The following NCALD variants were observed in gnomAD, a reference collection of about 807,000 sequenced individuals.
NCALD encodes the protein neurocalcin-delta.
In NCALD, 10 loss-of-function variants were observed where a neutral mutation model predicts 18.6. The observed-to-expected ratio is 0.54, with a 90% CI of 0.33 to 0.91. The LOEUF (loss-of-function observed/expected upper bound fraction) is 0.91, where lower values mean the gene tolerates loss of function less well. NCALD is among the 40% of genes least tolerant of loss of function. The probability of loss-of-function intolerance (pLI) is 0.03; values close to 1 mark genes in which losing one functional copy is unlikely to be tolerated. For missense variants in NCALD, 184 were observed against 247.6 expected, an observed-to-expected ratio of 0.74 and a Z score of 1.72; for synonymous variants, 88 against 87.4, an observed-to-expected ratio of 1.01 and a Z score of -0.04.
intron 4 of NCALD, among the ~76,000 whole-genome samples, chr8:101,814,113 T>C (rs1020175933): frequency 4.1e-4 from 62 of 152,174 alleles, no homozygotes; most frequent in African/African-American, 1.4e-3. Context: ...TTCTCAATGA[T>C]CTCATTCAGA....
chr8:101,693,233 C>A, intron 2 of NCALD: 1 of 198,946 alleles, frequency 5.0e-6, no homozygotes, highest in Non-Finnish European at 1.0e-5. Flanking sequence ...TCACTGCAGG[C>A]TCCATTTCAT....
chr8:101,774,680 G>A (rs957475089), intron 1 of NCALD, among the ~76,000 whole-genome samples: 3 of 152,124 alleles, frequency 2.0e-5, no homozygotes, highest in African/African-American at 7.2e-5. Context: ...TCATGGCGGA[G>A]GCAATAGGCG....
chr8:102,085,004 G>A (rs1372431358), intron 1 of NCALD, among the ~76,000 whole-genome samples: 1 of 152,180 alleles, frequency 6.6e-6, no homozygotes, highest in African/African-American at 2.4e-5. Context: ...GAAATCTGCA[G>A]GTGTCCGTAT....
intron 4 of NCALD, among the ~76,000 whole-genome samples, chr8:101,822,067 G>A (rs1183749625): frequency 1.2e-4 from 19 of 152,034 alleles, no homozygotes; most frequent in Non-Finnish European, 2.6e-4. Context: ...GTTGTTGTAA[G>A]TATTAAATGA....
At chr8:101,979,645 G>A (rs982145122) in intron 2 of NCALD, among the ~76,000 whole-genome samples, 1 of 152,136 alleles carries the variant, frequency 6.6e-6, no homozygotes, top group Non-Finnish European at 1.5e-5. Flanking sequence ...AAAGCCAAAA[G>A]CTACAATCTC....
intron 3 of NCALD, chr8:101,690,353 A>C (rs1275652648): frequency 1.0e-6 from 1 of 983,200 alleles, no homozygotes; most frequent in East Asian, 1.1e-4. Context: ...ATCTCCGCCC[A>C]GCTTTGCCCT....
intron 1 of NCALD, among the ~76,000 whole-genome samples, chr8:102,118,185 T>G (rs1825846019): frequency 6.6e-6 from 1 of 152,190 alleles, no homozygotes; most frequent in Non-Finnish European, 1.5e-5. Context: ...GGCTGGGGCC[T>G]TTATCCACCT....
At chr8:102,016,015 C>A (rs1334230378) in intron 2 of NCALD, among the ~76,000 whole-genome samples, 2 of 152,100 alleles carry the variant, frequency 1.3e-5, no homozygotes, top group Non-Finnish European at 1.5e-5. Context: ...ATCTACCTCC[C>A]AAACTTCATT....
In NCALD at chr8:101,898,229, G is replaced by C. The variant is rs150139079; in HGVS notation, c.-106-11002C>G. 3.3e-5 allele frequency among the ~76,000 whole-genome samples: 5 copies of C among 152,252 alleles called. No homozygotes were observed. In the East Asian group the frequency reaches 5.8e-4, roughly 18 times the overall value. ...CATTATCACTATTTTTATTTTAGCT[G>C]TTCTAATAGGTGTGTGGTGCTATCT... On this transcript the variant is annotated intron_variant, in intron 3 of 6. Coordinates refer to the NCALD transcript ENST00000311028.
At chr8:102,016,656 A>G (rs1822093605) in intron 2 of NCALD, among the ~76,000 whole-genome samples, 1 of 152,176 alleles carries the variant, frequency 6.6e-6, no homozygotes, top group Non-Finnish European at 1.5e-5. Flanking sequence ...ACTAATTACC[A>G]ATCTTGTTAA....
Position 101,719,247 on chromosome 8 carries a change from C to T in NCALD, c.378+5G>A, listed in dbSNP as rs183185763. 84 of 1,612,138 alleles carry T rather than the reference C, an allele frequency of 5.2e-5. No individual in the cohort carries two copies. The East Asian group carries it at 1.5e-3, about 30-fold the overall frequency. On this transcript the variant is annotated splice_donor_5th_base_variant and intron_variant, in intron 2 of 3. Coordinates refer to ENST00000220931, the MANE Select transcript of NCALD (RefSeq NM_032041.3). ...TTCTTTTTTTAAAGGGCTCAGTCTA[C>T]GTACCTGCACGATCTCTAGCATCTC...
At chr8:101,913,260 T>G (rs1269646178) in intron 3 of NCALD, among the ~76,000 whole-genome samples, 1 of 152,222 alleles carries the variant, frequency 6.6e-6, no homozygotes, top group Non-Finnish European at 1.5e-5. Flanking sequence ...CATGTCATAA[T>G]CCACTTTGAA....
chr8:102,001,486 G>A (rs1444558417), intron 2 of NCALD, among the ~76,000 whole-genome samples: 1 of 152,208 alleles, frequency 6.6e-6, no homozygotes, highest in Non-Finnish European at 1.5e-5. Flanking sequence ...CCCCAATCTG[G>A]CAAGGCAGGC....
At chr8:102,064,624 G>C (rs1448079211) in intron 1 of NCALD, among the ~76,000 whole-genome samples, 5 of 152,216 alleles carry the variant, frequency 3.3e-5, no homozygotes, top group Admixed American at 3.3e-4. Flanking sequence ...TTCCACGACA[G>C]AGAGCCCCTT....
chr8:101,911,291 G>A (rs994188962), intron 3 of NCALD, among the ~76,000 whole-genome samples: 2 of 150,250 alleles, frequency 1.3e-5, no homozygotes, highest in African/African-American at 4.9e-5. Context: ...AGAGGAGAAG[G>A]GGGGAGAAGG....
At chr8:101,948,419 C>T (rs150836688) in intron 2 of NCALD, among the ~76,000 whole-genome samples, 2 of 152,256 alleles carry the variant, frequency 1.3e-5, no homozygotes, top group African/African-American at 4.8e-5. Flanking sequence ...GAAGAAAAAT[C>T]AGGAGTAAAA....
At chr8:101,867,914 C>A (rs1391503077) in intron 4 of NCALD, among the ~76,000 whole-genome samples, 1 of 152,176 alleles carries the variant, frequency 6.6e-6, no homozygotes. Context: ...AACCAGGGGT[C>A]AGTTGCAAAT....
At position 101,883,505 on chromosome 8, in the gene NCALD, G is replaced by A. The variant is rs183120615; in HGVS notation, c.-20+3636C>T. Among the ~76,000 whole-genome samples, 145 of 152,280 alleles carry A rather than the reference G, an allele frequency of 9.5e-4. 1 individual carries two copies. The highest frequency in any genetic ancestry group is 2.9e-3 in the African/African-American group (122 of 41,552). ...CAGAATGAGGCACAGGGAGGACAATGGGATCACTATTGTCTCAGAAACAAG... is the reference window on the plus strand; with the variant it reads ...CAGAATGAGGCACAGGGAGGACAATAGGATCACTATTGTCTCAGAAACAAG... On this transcript the variant is annotated intron_variant, in intron 4 of 6. Coordinates refer to the NCALD transcript ENST00000311028.
At chr8:101,714,363 G>A (rs984672873) in intron 2 of NCALD, among the ~76,000 whole-genome samples, 1 of 152,148 alleles carries the variant, frequency 6.6e-6, no homozygotes, top group Non-Finnish European at 1.5e-5. Flanking sequence ...CAAACAGAGA[G>A]CCAAATCATG....
Sources: gnomAD v4.1 joint callset for allele counts (sites outside exome capture counted in the v4.1 genomes callset) on GRCh38, gnomAD v4.1.1 for gene constraint, MANE v1.5 for transcripts, NCBI Gene and HGNC (gene_info 2026-07-23, HGNC 2026-07-21) for gene names.